Variants in MELTF observed in about 807,000 individuals in gnomAD.
MELTF encodes melanotransferrin, also known as antigen p97 (melanoma associated) identified by monoclonal antibodies 133.2 and 96.5.
Under a neutral mutation model 83.7 loss-of-function variants are expected in MELTF, and 67 were observed. The observed-to-expected ratio is 0.80, with a 90% CI of 0.66 to 0.98. The LOEUF is 0.98. Ranked by LOEUF, MELTF falls within the 50% of genes least tolerant of loss-of-function variation. The probability of loss-of-function intolerance (pLI) is 0.00; values close to 1 mark genes in which losing one functional copy is unlikely to be tolerated. For missense variants in MELTF, 1,002 were observed against 1,035.6 expected (o/e 0.97, Z 0.44); for synonymous variants, 462 against 447.6 (o/e 1.03, Z -0.41).
At chr3:197,019,524 G>T in intron 6 of MELTF, 1 of 1,532,376 alleles carries the variant, frequency 6.5e-7, no homozygotes, top group South Asian at 1.3e-5. Context: ...GATCAGTTGA[G>T]GCTGGGGGTT....
chr3:197,011,192 G>A lies in MELTF; in HGVS notation c.1234-398C>T, dbSNP rs773629543. On this transcript the variant is annotated intron_variant, in intron 9 of 15. Coordinates refer to ENST00000296350, the MANE Select transcript of MELTF (RefSeq NM_005929.6). This position sits in a 1 kb window ranked among gnomAD's most constrained non-coding sequence, Gnocchi z 4.2. ...ACCTGGCCAAGGGCCAGCACAGCGT[G>A]TGCTGCAATGCCTGTCTGTTAAATG... 5.9e-5 allele frequency among the ~76,000 whole-genome samples: 9 copies of A among 152,246 alleles called. No individual in the cohort carries two copies. Among genetic ancestry groups the A allele is most frequent in the Admixed American group, 3.3e-4 (5 of 15,288 alleles).
chr3:197,012,725 G>A (rs545205424), intron 9 of MELTF, among the ~76,000 whole-genome samples: 4 of 152,236 alleles, frequency 2.6e-5, no homozygotes, highest in South Asian at 2.1e-4. Flanking sequence ...TGCATCTGGC[G>A]TTAGTCTCCA....
rs1719365974 is a variant in MELTF at position 197,016,219 on chromosome 3, CGT to C, written c.1049_1050del (p.His350ArgfsTer8). The C allele has an allele frequency of 6.3e-7, 1 of 1,586,528 alleles. No homozygotes were observed. The highest frequency in any genetic ancestry group is 8.6e-7 in the Non-Finnish European group (1 of 1,166,944). ...GGGTCACAGAGCAGACCCTTCATGG[CGT>C]GCAGGTACTCATGGCCCAGCCACGC... The part of the protein sequence containing the change: ...YEAWLGHEYL[H>X]AMKGLLCDPN... On this transcript the variant is annotated frameshift_variant, in exon 8 of 16. Coordinates refer to ENST00000296350, the MANE Select transcript of MELTF (RefSeq NM_005929.6). LOFTEE classifies it high-confidence loss of function.
intron 6 of MELTF, among the ~76,000 whole-genome samples, chr3:197,020,687 T>C (rs1441912097): frequency 6.6e-6 from 1 of 152,104 alleles, no homozygotes; most frequent in African/African-American, 2.4e-5. Context: ...TTGTTGTTTT[T>C]TAGACAGAGT....
At chr3:197,027,078 A>C (rs1259011202) in intron 2 of MELTF, 11 of 337,544 alleles carry the variant, frequency 3.3e-5, no homozygotes, top group Non-Finnish European at 1.7e-5. Context: ...CTGTCCCTCC[A>C]CCCTGCGCCT....
rs914163321 is a variant in MELTF, at chr3:197,003,566, C to T, written c.2138-115G>A. 1.3e-6 allele frequency: 1 copy of T among 772,786 alleles called. No homozygotes were observed. The highest frequency in any genetic ancestry group is 1.8e-6 in the Non-Finnish European group (1 of 568,914). 47.9% of individuals were successfully genotyped at this position (772,786 alleles called of 1,614,324 possible). On this transcript the variant is annotated intron_variant, in intron 15 of 15. Transcript: ENST00000296350. The surrounding 1 kb of genome is among the most constrained non-coding windows in gnomAD (Gnocchi z 6.2). ...TTCGGGACCGAACTCGCCGCAGCCT[C>T]CCTCTTTGTGCTCCTTTCCCCTGCT...
rs868015253 is a variant in MELTF, at chr3:197,006,401, G to A, written c.1938+148C>T. 1 of 661,608 alleles carries A rather than the reference G, an allele frequency of 1.5e-6. No individual in the cohort carries two copies. The highest frequency in any genetic ancestry group is 2.1e-5 in the South Asian group (1 of 46,520). 41.0% of individuals were successfully genotyped at this position (661,608 alleles called of 1,614,324 possible). ...AGGCAGAGGGGACAGTTTCTGGAGG[G>A]ATGTCCTTGCGTAAGTGAAAATCAC... On this transcript the variant is annotated intron_variant, in intron 14 of 15. Coordinates refer to ENST00000296350, the MANE Select transcript of MELTF (RefSeq NM_005929.6). This position sits in a 1 kb window ranked among gnomAD's most constrained non-coding sequence, Gnocchi z 5.4.
intron 6 of MELTF, among the ~76,000 whole-genome samples, chr3:197,018,469 T>C (rs76329663): frequency 0.25 from 35,259 of 140,656 alleles, 4,171 homozygotes; most frequent in Middle Eastern, 0.4. Flanking sequence ...CTTTTTGAGA[T>C]GGAGTCTTAC....
chr3:197,016,104 C>T (rs1560216564), intron 8 of MELTF, 85 bp downstream of exon 8: 9 of 1,257,924 alleles, frequency 7.2e-6, no homozygotes, highest in Non-Finnish European at 8.5e-6. Context: ...TGAGCGTCTT[C>T]CCCCGGCCAC....
At position 197,024,110 on chromosome 3, in the gene MELTF, C is replaced by T. The variant is rs1043006651; in HGVS notation, c.487+193G>A. Among the ~76,000 whole-genome samples, 1 of 146,940 alleles carries T rather than the reference C, an allele frequency of 6.8e-6. No homozygotes were observed. Among genetic ancestry groups the T allele is most frequent in the African/African-American group, 2.5e-5 (1 of 39,374 alleles). ...TCGCGCCCCACAGGGTCCAAGCAAGCAGGAAGTCAAGCGGCGGCGCCGGCG... is the reference window on the plus strand; with the variant it reads ...TCGCGCCCCACAGGGTCCAAGCAAGTAGGAAGTCAAGCGGCGGCGCCGGCG... On this transcript the variant is annotated intron_variant, in intron 4 of 15. Transcript: ENST00000296350. The surrounding 1 kb of genome is among the most constrained non-coding windows in gnomAD (Gnocchi z 5.3).
At position 197,009,655 on chromosome 3, in the gene MELTF, T is replaced by C; in HGVS notation, c.1488A>G (p.Arg496=). Reference sequence around the variant, plus strand: ...CACAGTCCTTGGGCCGGATGAAGCCTCTCTGAATAAGGGCACCCACGGGGA... The same window carrying C: ...CACAGTCCTTGGGCCGGATGAAGCCCCTCTGAATAAGGGCACCCACGGGGA... ...WDVPVGALIQ[R]GFIRPKDCDV... is the part of the protein sequence containing the mutation. Residue 496 remains arginine, a synonymous_variant, in exon 11 of 16, where the codon AGA becomes AGG. Coordinates refer to ENST00000296350, the MANE Select transcript of MELTF (RefSeq NM_005929.6). 1.2e-6 allele frequency: 2 copies of C among 1,613,440 alleles called. No homozygotes were observed. The highest frequency in any genetic ancestry group is 1.7e-6 in the Non-Finnish European group (2 of 1,179,676).
intron 1 of MELTF, 93 bp from the exon 2 acceptor site, chr3:197,028,003 T>C (rs1382245394): frequency 2.1e-6 from 3 of 1,409,658 alleles, no homozygotes; most frequent in Non-Finnish European, 1.9e-6. Flanking sequence ...TGTGAGCCCA[T>C]TCGCCTGGAC....
At position 197,029,545 on chromosome 3, in the gene MELTF, T is replaced by G; in HGVS notation, c.49+109A>C. 2 of 929,064 alleles carry G rather than the reference T, an allele frequency of 2.2e-6. No individual in the cohort carries two copies. Among genetic ancestry groups the G allele is most frequent in the Non-Finnish European group, 2.8e-6 (2 of 711,768 alleles). The allele number at this position is 929,064 out of a possible 1,614,324, so 57.6% of individuals were successfully genotyped here. A position where few individuals can be genotyped will look rare whatever the true frequency, so the allele number is the denominator to read the frequency against. ...CGAGCCCCTGCCTCCCCCGTCTCAC[T>G]GCCCCGGAGCCGCAGGCTCAGGCAC... is the stretch of plus-strand genomic sequence containing the variant. On this transcript the variant is annotated intron_variant, in intron 1 of 15. Coordinates refer to ENST00000296350, the MANE Select transcript of MELTF (RefSeq NM_005929.6). The surrounding 1 kb of genome is among the most constrained non-coding windows in gnomAD (Gnocchi z 6.5).
chr3:197,024,359 A>G lies in MELTF; in HGVS notation c.431T>C (p.Val144Ala). 1 of 1,602,350 alleles carries G rather than the reference A, an allele frequency of 6.2e-7. No individual in the cohort carries two copies. The highest frequency in any genetic ancestry group is 8.5e-7 in the Non-Finnish European group (1 of 1,172,432). ...INRTVGWNVP[V>A]GYLVESGRLS... Reference sequence around the variant, plus strand: ...GCGGCCGCTCTCCACCAGGTAGCCCACGGGCACGTTCCAGCCCACTGTGCG... The same window carrying G: ...GCGGCCGCTCTCCACCAGGTAGCCCGCGGGCACGTTCCAGCCCACTGTGCG... The change falls in exon 4 of 16, where the codon GTG becomes GCG. Residue 144 changes from valine (V) to alanine (A), a missense_variant. Transcript: ENST00000296350. This position sits in a 1 kb window ranked among gnomAD's most constrained non-coding sequence, Gnocchi z 5.3.
At chr3:197,016,075 C>G in intron 8 of MELTF, 114 bp downstream of exon 8, 1 of 894,910 alleles carries the variant, frequency 1.1e-6, no homozygotes, top group Non-Finnish European at 1.6e-6. Context: ...ATGACAGGTT[C>G]CCGCAGAGGC....
At position 197,004,380 on chromosome 3, in the gene MELTF, A is replaced by G. The variant is rs143779573; in HGVS notation, c.1939-281T>C. The G allele has an allele frequency of 6.0e-3, 2,928 of 485,990 alleles. 14 individuals carry two copies. The highest frequency in any genetic ancestry group is 8.4e-3 in the Non-Finnish European group (2,221 of 265,860). The allele number at this position is 485,990 out of a possible 1,614,324, so 30.1% of individuals were successfully genotyped here. On this transcript the variant is annotated intron_variant, in intron 14 of 15. Transcript: ENST00000296350. ...TGCAGGTCTGAGGCCTGAGATGTCC[A>G]GGAAGAAAGACCCAGAAATGAGGGA...
At position 197,008,974 on chromosome 3, in the gene MELTF, G is replaced by T. The variant is rs754459417; in HGVS notation, c.1526-9C>A. On this transcript the variant is annotated splice_polypyrimidine_tract_variant and intron_variant, in intron 11 of 15. Coordinates refer to ENST00000296350, the MANE Select transcript of MELTF (RefSeq NM_005929.6). The surrounding 1 kb of genome is among the most constrained non-coding windows in gnomAD (Gnocchi z 5.4). Reference sequence around the variant, plus strand: ...GAAGAACTCGCTCACTGCTGGGGTGGAGGGAAGGGCAATGATGAGGGGCCA... The same window carrying T: ...GAAGAACTCGCTCACTGCTGGGGTGTAGGGAAGGGCAATGATGAGGGGCCA... The T allele has an allele frequency of 1.2e-6, 2 of 1,613,860 alleles. No homozygotes were observed. The highest frequency in any genetic ancestry group is 4.5e-5 in the East Asian group (2 of 44,874).
At chr3:197,015,811 T>G (rs940738422) in intron 8 of MELTF, among the ~76,000 whole-genome samples, 1 of 152,082 alleles carries the variant, frequency 6.6e-6, no homozygotes, top group African/African-American at 2.4e-5. Flanking sequence ...ACTACTGCAA[T>G]AGTCCAGGCG....
At chr3:197,016,910 C>T (rs1033591564) in intron 7 of MELTF, among the ~76,000 whole-genome samples, 193 bp downstream of exon 7, 3 of 152,176 alleles carry the variant, frequency 2.0e-5, no homozygotes, top group African/African-American at 7.2e-5. Flanking sequence ...TCCTCTGGGC[C>T]CCCCTCTCCT....
Sources: allele counts gnomAD v4.1 joint callset (sites outside exome capture counted in the v4.1 genomes callset), GRCh38; gene constraint gnomAD v4.1.1; non-coding constraint Gnocchi (gnomAD v3.1); transcripts MANE v1.5; gene names NCBI Gene and HGNC (gene_info 2026-07-23, HGNC 2026-07-21).